CDH18: variants seen among roughly 807,000 people sequenced by gnomAD.
CDH18 encodes the protein cadherin 18, also known as cadherin-18.
In CDH18, 31 loss-of-function variants were observed where a neutral mutation model predicts 67.9. The observed-to-expected ratio is 0.46, with a 90% CI of 0.34 to 0.62. CDH18 has a LOEUF of 0.62. CDH18 is among the 20% of genes least tolerant of loss of function. CDH18 has a pLI of 0.01. For missense variants in CDH18, 890 were observed against 975.5 expected, an observed-to-expected ratio of 0.91 and a Z score of 1.17; for synonymous variants, 362 against 347.2, an observed-to-expected ratio of 1.04 and a Z score of -0.48.
chr5:20,387,334 G>A (rs536430815), intron 1 of CDH18, among the ~76,000 whole-genome samples: 3 of 152,240 alleles, frequency 2.0e-5, no homozygotes, highest in Admixed American at 6.5e-5. Flanking sequence ...AAGCAACTGT[G>A]AATGGGAGTT....
intron 2 of CDH18, among the ~76,000 whole-genome samples, chr5:20,210,952 TTAGA>T (rs1740305725): frequency 1.3e-5 from 2 of 152,076 alleles, no homozygotes; most frequent in Admixed American, 1.3e-4. Flanking sequence ...AAAAGTAAGA[TTAGA>T]TAAATATTAT....
intron 2 of CDH18, among the ~76,000 whole-genome samples, chr5:20,103,658 G>A (rs1051110199): frequency 1.3e-5 from 2 of 151,352 alleles, no homozygotes; most frequent in African/African-American, 2.4e-5. Flanking sequence ...ACTTGAACCC[G>A]GGAGGCAGAG....
chr5:19,987,737 T>C (rs1799715813), intron 1 of CDH18, among the ~76,000 whole-genome samples: 1 of 152,192 alleles, frequency 6.6e-6, no homozygotes, highest in Non-Finnish European at 1.5e-5. Flanking sequence ...CAGCTTATAC[T>C]GATGCCATCA....
intron 1 of CDH18, among the ~76,000 whole-genome samples, chr5:20,505,302 G>C (rs1286193276): frequency 4.6e-5 from 7 of 152,126 alleles, no homozygotes; most frequent in Admixed American, 2.0e-4. Flanking sequence ...AGAAAGATTT[G>C]TGTGAGGAAT....
Position 19,843,071 on chromosome 5 carries a change from G to A in CDH18, c.-256-3829C>T, listed in dbSNP as rs188641539. Among the ~76,000 whole-genome samples, 1,021 of 152,282 alleles carry A rather than the reference G, an allele frequency of 6.7e-3. 3 individuals carry two copies. The highest frequency in any genetic ancestry group is 0.02 in the Middle Eastern group (6 of 294). On this transcript the variant is annotated intron_variant, in intron 2 of 12. Transcript: ENST00000382275. Reference sequence around the variant, plus strand: ...ATAGAAAAGAAAAACTAATTTTATGGAAAGAAATTGAAGCCAGCTTGAGAA... The same window carrying A: ...ATAGAAAAGAAAAACTAATTTTATGAAAAGAAATTGAAGCCAGCTTGAGAA...
chr5:20,500,512 C>T (rs926811844), intron 1 of CDH18, among the ~76,000 whole-genome samples: 1 of 152,128 alleles, frequency 6.6e-6, no homozygotes, highest in Non-Finnish European at 1.5e-5. Flanking sequence ...TTATTGTGAA[C>T]ATCTGGGAAC....
intron 2 of CDH18, among the ~76,000 whole-genome samples, chr5:20,056,091 G>C (rs1228031143): frequency 7.4e-6 from 1 of 135,264 alleles, no homozygotes; most frequent in Admixed American, 8.7e-5. Context: ...TATAACCTCT[G>C]CCTCCTAGGT....
Position 19,899,965 on chromosome 5 carries a change from T to C in CDH18, c.-256-60723A>G, listed in dbSNP as rs756904017. Among the ~76,000 whole-genome samples, 60 of 152,220 alleles carry C rather than the reference T, an allele frequency of 3.9e-4. 1 individual carries two copies. Among genetic ancestry groups the C allele is most frequent in the Middle Eastern group, 6.8e-3 (2 of 292 alleles). On this transcript the variant is annotated intron_variant, in intron 2 of 12. Coordinates refer to ENST00000382275, the MANE Select transcript of CDH18 (RefSeq NM_004934.5). The stretch of plus-strand genomic sequence containing the variant: ...AAACAGGGAGTTACTCTTCAATAAG[T>C]ACAAAATTTCAATTACGCAAGATGA...
chr5:19,984,223 A>T (rs140958789), intron 1 of CDH18, among the ~76,000 whole-genome samples: 1 of 152,160 alleles, frequency 6.6e-6, no homozygotes, highest in East Asian at 1.9e-4. Flanking sequence ...CTAAAAATAT[A>T]TAATTTTAGT....
At chr5:20,477,439 C>T (rs144004047) in intron 1 of CDH18, among the ~76,000 whole-genome samples, 1 of 152,230 alleles carries the variant, frequency 6.6e-6, no homozygotes, top group East Asian at 1.9e-4. Flanking sequence ...TGGCAGTGGC[C>T]ACATAATGTG....
intron 1 of CDH18, among the ~76,000 whole-genome samples, chr5:20,439,306 G>T (rs994107254): frequency 7.9e-5 from 12 of 151,546 alleles, no homozygotes; most frequent in African/African-American, 2.7e-4. Flanking sequence ...AAGTAAGTTT[G>T]GTGGATTCCT....
At chr5:19,854,831 C>T (rs2149946123) in intron 2 of CDH18, among the ~76,000 whole-genome samples, 1 of 151,886 alleles carries the variant, frequency 6.6e-6, no homozygotes. Context: ...TTCATTCTAT[C>T]TAACTGTATT....
chr5:19,554,663 A>G (rs911454733), intron 8 of CDH18, among the ~76,000 whole-genome samples: 10 of 151,934 alleles, frequency 6.6e-5, no homozygotes, highest in Non-Finnish European at 1.5e-4. Flanking sequence ...GGGCTAAGGT[A>G]CTTATTCTAA....
chr5:20,249,612 C>T (rs1743664663), intron 2 of CDH18, among the ~76,000 whole-genome samples: 1 of 151,944 alleles, frequency 6.6e-6, no homozygotes, highest in Non-Finnish European at 1.5e-5. Flanking sequence ...TCTCCTGATC[C>T]GCCCGCCTCG....
At chr5:19,496,695 C>T (rs1742384760) in intron 11 of CDH18, among the ~76,000 whole-genome samples, 2 of 151,354 alleles carry the variant, frequency 1.3e-5, no homozygotes, top group African/African-American at 4.9e-5. Context: ...GCCTGTAGTC[C>T]CAGATACTCG....
chr5:19,545,946 C>T (rs1736241618), intron 8 of CDH18, among the ~76,000 whole-genome samples: 1 of 152,106 alleles, frequency 6.6e-6, no homozygotes, highest in Non-Finnish European at 1.5e-5. Flanking sequence ...AGATTGAGCA[C>T]TGAAGTACAC....
intron 8 of CDH18, among the ~76,000 whole-genome samples, chr5:19,554,244 TGTTTCTTCCTG>T (rs1371777537): frequency 6.6e-6 from 1 of 152,228 alleles, no homozygotes; most frequent in Non-Finnish European, 1.5e-5. Context: ...GCAATTATAA[TGTTTCTTCCTG>T]GTATTTATGA....
At chr5:20,156,844 T>C (rs1751571154) in intron 2 of CDH18, among the ~76,000 whole-genome samples, 3 of 152,100 alleles carry the variant, frequency 2.0e-5, no homozygotes, top group African/African-American at 7.2e-5. Context: ...CAATAAAACT[T>C]GTTTGGATGG....
intron 2 of CDH18, among the ~76,000 whole-genome samples, chr5:20,101,153 G>A (rs116673077): frequency 2.0e-5 from 3 of 151,662 alleles, no homozygotes; most frequent in Non-Finnish European, 2.9e-5. Flanking sequence ...GTAGAGGCAG[G>A]GTCTCACTAT....
Sources: gnomAD v4.1 joint callset for allele counts (sites outside exome capture counted in the v4.1 genomes callset) on GRCh38, gnomAD v4.1.1 for gene constraint, MANE v1.5 for transcripts, NCBI Gene and HGNC (gene_info 2026-07-23, HGNC 2026-07-21) for gene names.